Variants in SEC63 observed in about 807,000 individuals in gnomAD.
SEC63 encodes the protein translocation protein SEC63 homolog.
In SEC63, 56 loss-of-function variants were observed where a neutral mutation model predicts 116.2. That is an observed-to-expected ratio of 0.48 (90% CI 0.39 to 0.60). The LOEUF is 0.60. Ranked by LOEUF, SEC63 falls within the 20% of genes least tolerant of loss-of-function variation. The probability of loss-of-function intolerance (pLI) is 0.00; values close to 1 mark genes in which losing one functional copy is unlikely to be tolerated. For missense variants in SEC63, 668 were observed against 900.0 expected, an observed-to-expected ratio of 0.74 and a Z score of 3.30; for synonymous variants, 273 against 294.6, an observed-to-expected ratio of 0.93 and a Z score of 0.75.
chr6:107,898,328 G>A (rs920125906), intron 13 of SEC63, among the ~76,000 whole-genome samples: 1 of 151,308 alleles, frequency 6.6e-6, no homozygotes. Context: ...ACCTGCATTC[G>A]CACACTAAGC....
intron 14 of SEC63, 120 bp downstream of exon 14, chr6:107,897,529 C>T: frequency 1.3e-6 from 1 of 752,268 alleles, no homozygotes; most frequent in South Asian, 1.5e-5. Flanking sequence ...AAAGAGTTAA[C>T]AGAATTTGCA....
At chr6:107,886,179 G>C (rs1299343022) in intron 16 of SEC63, among the ~76,000 whole-genome samples, 1 of 152,144 alleles carries the variant, frequency 6.6e-6, no homozygotes, top group African/African-American at 2.4e-5. Flanking sequence ...TCCCTGCAAA[G>C]GACATGAACT....
At chr6:107,937,430 C>T (rs1276336128) in intron 1 of SEC63, among the ~76,000 whole-genome samples, 2 of 152,192 alleles carry the variant, frequency 1.3e-5, no homozygotes, top group African/African-American at 4.8e-5. Context: ...CCGGCCACTA[C>T]ATTTTCTTTA....
rs1365213531 is a variant in SEC63, at chr6:107,921,895, T to G, written c.354A>C (p.Ala118=). Residue 118 remains alanine, a synonymous_variant, in exon 4 of 21, where the codon GCA becomes GCC. Transcript: ENST00000369002. ...GCAAACGATATTGTTTTTTAATTTC[T>G]GCTACTGTGGCTCCCTGGGGAAAAA... is the stretch of plus-strand genomic sequence containing the variant. The part of the protein sequence containing the change: ...VLNLDPGATV[A]EIKKQYRLLS... 1 of 1,595,706 alleles carries G rather than the reference T, an allele frequency of 6.3e-7. No individual in the cohort carries two copies. The highest frequency in any genetic ancestry group is 1.7e-5 in the Admixed American group (1 of 58,010).
intron 1 of SEC63, among the ~76,000 whole-genome samples, chr6:107,952,500 G>GT (rs1770600875): frequency 6.6e-6 from 1 of 152,216 alleles, no homozygotes; most frequent in Admixed American, 6.5e-5. Flanking sequence ...GCTCACAGCT[G>GT]TAATCCCAGC....
At position 107,882,475 on chromosome 6, in the gene SEC63, C is replaced by T. The variant is rs573523756; in HGVS notation, c.1833+513G>A. ...TATTAATAAATTCTGTAAAGACTTCCCCTGTCCTTAATATATCTTATATAC... is the reference window on the plus strand; with the variant it reads ...TATTAATAAATTCTGTAAAGACTTCTCCTGTCCTTAATATATCTTATATAC... On this transcript the variant is annotated intron_variant, in intron 17 of 20. Coordinates refer to ENST00000369002, the MANE Select transcript of SEC63 (RefSeq NM_007214.5). 2.3e-4 allele frequency among the ~76,000 whole-genome samples: 35 copies of T among 152,222 alleles called. 1 individual carries two copies. In the Middle Eastern group the frequency reaches 0.014, roughly 59 times the overall value.
rs947842426 is a variant in SEC63, at chr6:107,870,584, T to A, written c.*1120A>T. 6.6e-6 allele frequency: 1 copy of A among 152,158 alleles called. No homozygotes were observed. Among genetic ancestry groups the A allele is most frequent in the Non-Finnish European group, 1.5e-5 (1 of 68,034 alleles). The allele number at this position is 152,158 out of a possible 1,614,324, so 9.4% of individuals were successfully genotyped here. ...ACATCTCTACTCTTTACAAGCACTATCCTTCCAGTTGTACTATGAGGGGAA... is the reference window on the plus strand; with the variant it reads ...ACATCTCTACTCTTTACAAGCACTAACCTTCCAGTTGTACTATGAGGGGAA... On this transcript the variant is annotated 3_prime_UTR_variant, in exon 21 of 21. Transcript: ENST00000369002.
rs142138048 is a variant in SEC63 at position 107,924,681 on chromosome 6, T to A, written c.339+137A>T. ...TAGCTTAAATTATAATAACAGAGGATTAGACATCTTATTTTAATAAACAAA... is the reference window on the plus strand; with the variant it reads ...TAGCTTAAATTATAATAACAGAGGAATAGACATCTTATTTTAATAAACAAA... On this transcript the variant is annotated intron_variant, in intron 3 of 20. Transcript: ENST00000369002. The A allele has an allele frequency of 2.8e-4, 180 of 636,070 alleles. 1 individual carries two copies. In the East Asian group the frequency reaches 4.6e-3, roughly 16 times the overall value. 39.4% of individuals were successfully genotyped at this position (636,070 alleles called of 1,614,324 possible). A position where few individuals can be genotyped will look rare whatever the true frequency, so the allele number is the denominator to read the frequency against.
At chr6:107,920,425 C>CAAAAAAAA (rs34816965) in intron 4 of SEC63, among the ~76,000 whole-genome samples, 10 of 73,428 alleles carry the variant, frequency 1.4e-4, no homozygotes, top group African/African-American at 2.2e-4. Context: ...GACTCCGTCT[C>CAAAAAAAA]AAAAAAAAAA....
At chr6:107,900,075 C>G (rs1457315143) in intron 13 of SEC63, among the ~76,000 whole-genome samples, 1 of 152,164 alleles carries the variant, frequency 6.6e-6, no homozygotes, top group Non-Finnish European at 1.5e-5. Flanking sequence ...GAGGAGTGCA[C>G]AGCATTCAAT....
intron 18 of SEC63, among the ~76,000 whole-genome samples, chr6:107,878,319 A>G (rs1299128169): frequency 6.6e-6 from 1 of 152,240 alleles, no homozygotes; most frequent in African/African-American, 2.4e-5. Flanking sequence ...ATAAAAATAT[A>G]TGTTACAAAG....
At chr6:107,900,733 A>C (rs17068962) in intron 13 of SEC63, among the ~76,000 whole-genome samples, 6,869 of 152,278 alleles carry the variant, frequency 0.045, 476 homozygotes, top group African/African-American at 0.16. Context: ...GAATGTTCTC[A>C]TAATAGTAAC....
chr6:107,936,162 C>T (rs1298338492), intron 1 of SEC63, among the ~76,000 whole-genome samples: 1 of 152,200 alleles, frequency 6.6e-6, no homozygotes, highest in Non-Finnish European at 1.5e-5. Context: ...AGAGAAAGTA[C>T]ATATGGTTTT....
intron 1 of SEC63, among the ~76,000 whole-genome samples, chr6:107,935,202 T>C (rs1244961150): frequency 6.7e-6 from 1 of 149,390 alleles, no homozygotes; most frequent in Admixed American, 6.7e-5. Flanking sequence ...CAGCCGCCCG[T>C]CTGGGAGATG....
intron 4 of SEC63, among the ~76,000 whole-genome samples, chr6:107,915,016 A>G (rs1459258781): frequency 6.6e-6 from 1 of 152,206 alleles, no homozygotes; most frequent in African/African-American, 2.4e-5. Flanking sequence ...ATCTAATAAA[A>G]TAAGTCAGCA....
chr6:107,911,456 G>T, intron 6 of SEC63, 60 bp from the exon 7 acceptor site: 1 of 1,173,786 alleles, frequency 8.5e-7, no homozygotes, highest in Non-Finnish European at 1.3e-6. Context: ...CAACATCCAT[G>T]AATTTATTTT....
At chr6:107,916,302 G>A (rs894301538) in intron 4 of SEC63, among the ~76,000 whole-genome samples, 3 of 152,182 alleles carry the variant, frequency 2.0e-5, no homozygotes, top group Admixed American at 6.5e-5. Flanking sequence ...GTAACCTCAA[G>A]GACAACTGCT....
In SEC63 at chr6:107,876,674, A is replaced by C. The variant is rs1168520634; in HGVS notation, c.1936-12T>G. ...CATTCTTGTTTTTCCTGGAAACAAA[A>C]AAAAAAAAAAAAAAAGAAGAGGGGT... On this transcript the variant is annotated splice_polypyrimidine_tract_variant and intron_variant, in intron 18 of 20. Transcript: ENST00000369002. 3 of 1,369,344 alleles carry C rather than the reference A, an allele frequency of 2.2e-6. No individual in the cohort carries two copies. The highest frequency in any genetic ancestry group is 3.0e-6 in the Non-Finnish European group (3 of 998,338). The allele number at this position is 1,369,344 out of a possible 1,614,324, so 84.8% of individuals were successfully genotyped here.
At chr6:107,917,922 G>C (rs1279572664) in intron 4 of SEC63, among the ~76,000 whole-genome samples, 1 of 152,184 alleles carries the variant, frequency 6.6e-6, no homozygotes, top group Non-Finnish European at 1.5e-5. Context: ...CAATGAAGGT[G>C]GCTAAACAAC....
Sources: gnomAD v4.1 joint callset for allele counts (sites outside exome capture counted in the v4.1 genomes callset) on GRCh38, gnomAD v4.1.1 for gene constraint, MANE v1.5 for transcripts, NCBI Gene and HGNC (gene_info 2026-07-23, HGNC 2026-07-21) for gene names.